Variants in ATL1 observed in about 807,000 individuals in gnomAD.
ATL1 encodes the protein atlastin GTPase 1.
Under a neutral mutation model 75.5 loss-of-function variants are expected in ATL1, and 31 were observed. That is an observed-to-expected ratio of 0.41 (90% confidence interval 0.31 to 0.55). The LOEUF (loss-of-function observed/expected upper bound fraction) is 0.55, where lower values mean the gene tolerates loss of function less well. ATL1 is among the 20% of genes least tolerant of loss of function. ATL1 has a pLI of 0.27. For missense variants in ATL1, 405 were observed against 662.6 expected (o/e 0.61, Z 4.27); for synonymous variants, 226 against 233.3 (o/e 0.97, Z 0.28).
chr14:50,600,966 A>G (rs1431440365), intron 6 of ATL1, among the ~76,000 whole-genome samples: 1 of 151,980 alleles, frequency 6.6e-6, no homozygotes, highest in East Asian at 1.9e-4. Context: ...AAAATCCACA[A>G]AGAACTACAG....
At chr14:50,599,519 A>G (rs1466849942) in intron 6 of ATL1, among the ~76,000 whole-genome samples, 1 of 152,180 alleles carries the variant, frequency 6.6e-6, no homozygotes, top group Non-Finnish European at 1.5e-5. Flanking sequence ...ATATAAGGAT[A>G]TTTATTGATA....
intron 1 of ATL1, among the ~76,000 whole-genome samples, chr14:50,563,479 A>G (rs1193240340): frequency 6.6e-6 from 1 of 152,182 alleles, no homozygotes; most frequent in Non-Finnish European, 1.5e-5. Context: ...CTAAGTAAGT[A>G]TTTTTCAGAC....
chr14:50,617,724 T>C (rs2039428352), intron 8 of ATL1, among the ~76,000 whole-genome samples: 1 of 152,212 alleles, frequency 6.6e-6, no homozygotes, highest in South Asian at 2.1e-4. Context: ...TTACTGAACA[T>C]AATTCTGAAT....
At chr14:50,623,299 A>G (rs1383261706) in intron 11 of ATL1, 51 bp downstream of exon 11, 1 of 1,426,360 alleles carries the variant, frequency 7.0e-7, no homozygotes, top group Admixed American at 1.8e-5. Flanking sequence ...AGTATCCTTC[A>G]TGCAACTCAT....
chr14:50,539,375 G>C (rs1347002106), intron 1 of ATL1, among the ~76,000 whole-genome samples: 1 of 152,198 alleles, frequency 6.6e-6, no homozygotes, highest in South Asian at 2.1e-4. Flanking sequence ...AAGACAAATA[G>C]CTTTGGGTTC....
chr14:50,565,326 C>A (rs545288269), intron 1 of ATL1, among the ~76,000 whole-genome samples: 10 of 151,232 alleles, frequency 6.6e-5, no homozygotes, highest in East Asian at 3.9e-4. Context: ...ACAAAAAAAA[C>A]CACCCCAAAT....
At chr14:50,562,386 C>T (rs2038858274) in intron 1 of ATL1, among the ~76,000 whole-genome samples, 1 of 152,108 alleles carries the variant, frequency 6.6e-6, no homozygotes, top group South Asian at 2.1e-4. Flanking sequence ...CTCTTGGGAA[C>T]ATGGTTCTCA....
rs368979470 is a variant in ATL1, at chr14:50,552,487, A to C, written c.-139-7640A>C. 3.3e-5 allele frequency among the ~76,000 whole-genome samples: 5 copies of C among 152,290 alleles called. No individual in the cohort carries two copies. The East Asian group carries it at 7.7e-4, about 24-fold the overall frequency. On this transcript the variant is annotated intron_variant, in intron 1 of 13. Transcript: ENST00000441560. ...ATGCAATTCCCATCAAAATACCATC[A>C]TCATTCTTCACAGAACTAGAAAAAT...
chr14:50,593,622 G>A (rs1355803164), intron 4 of ATL1, among the ~76,000 whole-genome samples: 1 of 152,152 alleles, frequency 6.6e-6, no homozygotes, highest in Non-Finnish European at 1.5e-5. Flanking sequence ...CTCCAGAGCA[G>A]GTGACTACTG....
intron 1 of ATL1, among the ~76,000 whole-genome samples, chr14:50,563,974 A>G (rs2038876573): frequency 6.6e-6 from 1 of 152,174 alleles, no homozygotes. Context: ...CTAGTATTCA[A>G]ATTCAGAGTT....
chr14:50,605,726 C>T (rs1212743819), intron 6 of ATL1, among the ~76,000 whole-genome samples: 4 of 152,112 alleles, frequency 2.6e-5, no homozygotes, highest in South Asian at 4.2e-4. Context: ...TAAGTATTCT[C>T]CTGGTCTTTC....
chr14:50,587,835 A>C lies in ATL1; in HGVS notation c.39A>C (p.Gly13=). 1.9e-6 allele frequency: 3 copies of C among 1,614,180 alleles called. No homozygotes were observed. The highest frequency in any genetic ancestry group is 2.5e-6 in the Non-Finnish European group (3 of 1,180,034). ...AGTCACTGCTCTGTTCAACAGGTGG[A>C]TTTTCGGAAAAGACATATGAATGGA... ...KNRRDRNSWG[G]FSEKTYEWSS... is the part of the protein sequence containing the mutation. Residue 13 remains glycine, a synonymous_variant, in exon 2 of 14, where the codon GGA becomes GGC. Coordinates refer to ENST00000358385, the MANE Select transcript of ATL1 (RefSeq NM_015915.5).
chr14:50,599,417 C>T lies in ATL1; in HGVS notation c.630+3785C>T, dbSNP rs1187942709. The stretch of plus-strand genomic sequence containing the variant: ...AAAAAGTAGAACATGGAGATAATAC[C>T]AATGAAAGCTAGGATTTGGGAAAAT... On this transcript the variant is annotated intron_variant, in intron 6 of 13. Transcript: ENST00000358385. 2.0e-5 allele frequency among the ~76,000 whole-genome samples: 3 copies of T among 152,132 alleles called. No homozygotes were observed. In the East Asian group the frequency reaches 5.8e-4, roughly 29 times the overall value.
At chr14:50,616,940 T>C (rs912389425) in intron 8 of ATL1, among the ~76,000 whole-genome samples, 23 of 152,330 alleles carry the variant, frequency 1.5e-4, no homozygotes, top group Admixed American at 1.4e-3. Context: ...CCAGGATGTC[T>C]TGTCAGCTGA....
intron 1 of ATL1, among the ~76,000 whole-genome samples, chr14:50,569,543 C>T (rs2038936099): frequency 6.6e-6 from 1 of 151,888 alleles, no homozygotes; most frequent in South Asian, 2.1e-4. Flanking sequence ...AAGTATTAGT[C>T]TCTTAAACCA....
chr14:50,590,328 G>T (rs2039144005), intron 2 of ATL1, among the ~76,000 whole-genome samples: 1 of 152,118 alleles, frequency 6.6e-6, no homozygotes, highest in South Asian at 2.1e-4. Flanking sequence ...TCGCCTGCAG[G>T]ATAAAATCTG....
intron 8 of ATL1, among the ~76,000 whole-genome samples, chr14:50,617,860 G>A (rs1214154437): frequency 1.3e-5 from 2 of 152,152 alleles, no homozygotes; most frequent in Non-Finnish European, 2.9e-5. Flanking sequence ...ACTAACATTA[G>A]CAAGAGCTCA....
At chr14:50,579,322 CT>C (rs1326128143) in intron 1 of ATL1, among the ~76,000 whole-genome samples, 1 of 151,870 alleles carries the variant, frequency 6.6e-6, no homozygotes, top group African/African-American at 2.4e-5. Context: ...GGTCTGTAGT[CT>C]TTTCTATTGG....
At chr14:50,556,523 C>T (rs1188779372), upstream of ATL1, among the ~76,000 whole-genome samples, 1 of 152,170 alleles carries the variant, frequency 6.6e-6, no homozygotes, top group African/African-American at 2.4e-5. Flanking sequence ...CAGCCTAATC[C>T]AGTGGCTTTA....
Sources: allele counts gnomAD v4.1 joint callset (sites outside exome capture counted in the v4.1 genomes callset), GRCh38; gene constraint gnomAD v4.1.1; transcripts MANE v1.5; gene names NCBI Gene and HGNC (gene_info 2026-07-23, HGNC 2026-07-21).